TEP1: variants seen among roughly 807,000 people sequenced by gnomAD.
The protein encoded by TEP1 is telomerase protein component 1.
In TEP1, 241 loss-of-function variants were observed where a neutral mutation model predicts 306.3. The ratio of observed to expected loss-of-function variants is 0.79; its 90% confidence interval spans 0.71 to 0.88. The LOEUF (loss-of-function observed/expected upper bound fraction) is 0.88. TEP1 is among the 40% of genes least tolerant of loss of function. The pLI, the probability that TEP1 is intolerant of heterozygous loss-of-function variation, is 0.00. For synonymous variants in TEP1, 1,289 were observed against 1,305.5 expected, an observed-to-expected ratio of 0.99 and a Z score of 0.27; for missense variants, 3,051 against 3,276.1, an observed-to-expected ratio of 0.93 and a Z score of 1.68.
At chr14:20,382,597 G>C (rs1876676936) in intron 28 of TEP1, 26 bp downstream of exon 28, 1 of 1,612,136 alleles carries the variant, frequency 6.2e-7, no homozygotes, top group Non-Finnish European at 8.5e-7. Context: ...GTAGTGATTA[G>C]GACTTGGAAG....
At chr14:20,375,627 C>A in intron 43 of TEP1, 128 bp downstream of exon 43, 1 of 621,674 alleles carries the variant, frequency 1.6e-6, no homozygotes, top group Non-Finnish European at 2.9e-6. Context: ...ATGCCTGGCA[C>A]ATATCAAGTT....
At position 20,384,376 on chromosome 14, in the gene TEP1, A is replaced by C. The variant is rs762919387; in HGVS notation, c.3339+15T>G. 14 of 1,614,010 alleles carry C rather than the reference A, an allele frequency of 8.7e-6. No individual in the cohort carries two copies. Among genetic ancestry groups the C allele is most frequent in the African/African-American group, 1.3e-5 (1 of 75,036 alleles). On this transcript the variant is annotated intron_variant, in intron 23 of 54. Transcript: ENST00000262715. Reference sequence around the variant, plus strand: ...GTCCCTCTCCATGCCTCTGGTCACCAGTGCTTCTGCTGACCTGCAGGTAGA... The same window carrying C: ...GTCCCTCTCCATGCCTCTGGTCACCCGTGCTTCTGCTGACCTGCAGGTAGA...
chr14:20,380,122 T>G, intron 34 of TEP1, 69 bp from the exon 35 acceptor site: 1 of 1,585,574 alleles, frequency 6.3e-7, no homozygotes, highest in South Asian at 1.2e-5. Flanking sequence ...ATTTATGTGC[T>G]TCTGTGCCTG....
chr14:20,369,156 CG>C (rs1369526048), intron 53 of TEP1, among the ~76,000 whole-genome samples, 187 bp downstream of exon 53: 2 of 152,078 alleles, frequency 1.3e-5, no homozygotes, highest in Non-Finnish European at 2.9e-5. Context: ...TACAGGCACC[CG>C]CCACCACGCC....
chr14:20,382,396 AGGAGAAGCAGCTT>A (rs747823982), intron 28 of TEP1, 40 bp from the exon 29 acceptor site: 4 of 1,575,852 alleles, frequency 2.5e-6, no homozygotes, highest in African/African-American at 2.7e-5. Flanking sequence ...GTGCAGTGGG[AGGAGAAGCAGCTT>A]GGCTTGTGGG....
chr14:20,380,194 C>T, intron 34 of TEP1, 41 bp downstream of exon 34: 2 of 1,597,114 alleles, frequency 1.3e-6, no homozygotes, highest in Non-Finnish European at 1.7e-6. Context: ...CTGCAGCTTG[C>T]TCTCTGGTGG....
chr14:20,381,510 A>C lies in TEP1; in HGVS notation c.4558+43T>G. ...GTGGGTGGTCCTGGCCTCCAGGCCC[A>C]AGCCCCACACTCAGTGCCCAGGCTG... On this transcript the variant is annotated intron_variant, in intron 31 of 54. Transcript: ENST00000262715. This position sits in a 1 kb window ranked among gnomAD's most constrained non-coding sequence, Gnocchi z 4.0. The C allele has an allele frequency of 6.2e-7, 1 of 1,612,962 alleles. No homozygotes were observed. Among genetic ancestry groups the C allele is most frequent in the Non-Finnish European group, 8.5e-7 (1 of 1,180,004 alleles).
chr14:20,407,117 G>A (rs1879235828), intron 2 of TEP1, among the ~76,000 whole-genome samples: 1 of 152,206 alleles, frequency 6.6e-6, no homozygotes, highest in African/African-American at 2.4e-5. Flanking sequence ...TCTTTCTAGT[G>A]ATTCTGAACT....
rs1594376374 is a variant in TEP1, at chr14:20,406,127, T to C, written c.735+106A>G. The C allele has an allele frequency of 7.5e-6, 8 of 1,061,296 alleles. No individual in the cohort carries two copies. In the East Asian group the frequency reaches 1.9e-4, roughly 25 times the overall value. The allele number at this position is 1,061,296 out of a possible 1,614,324, so 65.7% of individuals were successfully genotyped here. ...AGTGAGAAATAAGAGCTAGGTTGTA[T>C]CCCTACCTTCCCCTTCCAACTGGGG... On this transcript the variant is annotated intron_variant, in intron 3 of 54. Transcript: ENST00000262715.
At chr14:20,377,939 G>A (rs1885291099) in intron 39 of TEP1, 85 bp downstream of exon 39, 31 of 1,544,838 alleles carry the variant, frequency 2.0e-5, no homozygotes, top group Middle Eastern at 2.2e-4. Context: ...CAGTCTCCTC[G>A]ACAAAGGACC....
At chr14:20,389,156 A>AG in intron 17 of TEP1, 82 bp downstream of exon 17, 1 of 1,357,624 alleles carries the variant, frequency 7.4e-7, no homozygotes, top group Non-Finnish European at 1.0e-6. Context: ...TTAAAAAAAA[A>AG]AAAAAGTGAC....
rs1218006240 is a variant in TEP1 at position 20,378,218 on chromosome 14, C to T, written c.5527G>A (p.Ala1843Thr). The change falls in exon 39 of 55, where the codon GCC (alanine) becomes ACC (threonine). Residue 1843 changes from alanine (A) to threonine (T), a missense_variant. Around this residue, in one of 3 missense-constraint regions of TEP1, gnomAD observed 1,540 missense variants for 1,705.9 expected, o/e 0.90. Coordinates refer to ENST00000262715, the MANE Select transcript of TEP1 (RefSeq NM_007110.5). ...KVTKDLGAPGASIRTLAFNVP... is the reference protein window; with the variant it reads ...KVTKDLGAPGTSIRTLAFNVP... ...TTGAAGGCCAAGGTACGGATAGAGGCTCCGGGTGCCCCCAGGTCCTACACA... is the reference window on the plus strand; with the variant it reads ...TTGAAGGCCAAGGTACGGATAGAGGTTCCGGGTGCCCCCAGGTCCTACACA... 3.7e-6 allele frequency: 6 copies of T among 1,613,296 alleles called. No homozygotes were observed. Among genetic ancestry groups the T allele is most frequent in the Non-Finnish European group, 5.1e-6 (6 of 1,179,990 alleles).
chr14:20,386,522 G>T lies in TEP1; in HGVS notation c.2786C>A (p.Ala929Glu), dbSNP rs140773101. ...RSVLPALQAR[A>E]APHRISLHGI... ...GTGAAGGCTGATACGGTGAGGGGCC[G>T]CTCGGGCCTGCAGTGCTGGCAGCAC... The change falls in exon 19 of 55, where the codon GCG (alanine) becomes GAG (glutamate). Residue 929 changes from alanine (A) to glutamate (E), a missense_variant. This residue lies in a region of TEP1 where 1,507 missense variants were observed against 1,550.5 expected (regional missense o/e 0.97). Transcript: ENST00000262715. The T allele has an allele frequency of 3.7e-6, 6 of 1,612,644 alleles. No homozygotes were observed. The South Asian group carries it at 4.4e-5, about 12-fold the overall frequency.
chr14:20,400,989 A>C lies in TEP1; in HGVS notation c.1544T>G (p.Leu515Arg), dbSNP rs757242292. The C allele has an allele frequency of 1.3e-5, 21 of 1,614,116 alleles. No homozygotes were observed. Among genetic ancestry groups the C allele is most frequent in the Non-Finnish European group, 1.6e-5 (19 of 1,180,010 alleles). Reference sequence around the variant, plus strand: ...GATGGTCAAGGTCACTCTACCAATGAGTTCCTCCCAGACCGACGCTTTGTT... The same window carrying C: ...GATGGTCAAGGTCACTCTACCAATGCGTTCCTCCCAGACCGACGCTTTGTT... ...RGNKASVWEE[L>R]IENGKLPFMA... Residue 515 changes from leucine to arginine, a missense_variant, in exon 9 of 55, where the codon CTC becomes CGC. Leu to Arg is a moderately radical substitution (Grantham distance 102). Around this residue, in one of 3 missense-constraint regions of TEP1, gnomAD observed 1,507 missense variants for 1,550.5 expected, o/e 0.97. Coordinates refer to ENST00000262715, the MANE Select transcript of TEP1 (RefSeq NM_007110.5).
intron 14 of TEP1, 23 bp from the exon 15 acceptor site, chr14:20,390,781 T>C (rs1877637712): frequency 1.2e-6 from 2 of 1,613,866 alleles, no homozygotes; most frequent in Non-Finnish European, 1.7e-6. Flanking sequence ...GACTTCATGT[T>C]ATGTGGTTGC....
At position 20,395,434 on chromosome 14, in the gene TEP1, G is replaced by A; in HGVS notation, c.1928+16C>T. On this transcript the variant is annotated intron_variant, in intron 12 of 54. Coordinates refer to ENST00000262715, the MANE Select transcript of TEP1 (RefSeq NM_007110.5). ...CCCGATTGCCCACCCTTGGCTCCCAGACAGTGCATACATACCTGGCCTTGT... is the reference window on the plus strand; with the variant it reads ...CCCGATTGCCCACCCTTGGCTCCCAAACAGTGCATACATACCTGGCCTTGT... The A allele has an allele frequency of 6.4e-7, 1 of 1,560,166 alleles. No homozygotes were observed. Among genetic ancestry groups the A allele is most frequent in the Non-Finnish European group, 8.8e-7 (1 of 1,141,384 alleles).
chr14:20,372,640 C>T, intron 49 of TEP1, 93 bp downstream of exon 49: 4 of 1,565,096 alleles, frequency 2.6e-6, no homozygotes, highest in Non-Finnish European at 3.5e-6. Flanking sequence ...TCCAATTGAC[C>T]TAGTTCAGAA....
chr14:20,373,021 G>A lies in TEP1; in HGVS notation c.6941C>T (p.Ala2314Val). ...GGTACACCGACTCACCTGTGCTGTGGCCACAGCCTTAGCTTCCTGCCACAA... is the reference window on the plus strand; with the variant it reads ...GGTACACCGACTCACCTGTGCTGTGACCACAGCCTTAGCTTCCTGCCACAA... ...LILWQEAKAVATAQAPGHIGA... is the reference protein window; with the variant it reads ...LILWQEAKAVVTAQAPGHIGA... The change falls in exon 48 of 55, where the codon GCC (alanine) becomes GTC (valine). Residue 2314 changes from alanine to valine, a missense_variant. Coordinates refer to ENST00000262715, the MANE Select transcript of TEP1 (RefSeq NM_007110.5). 6.2e-7 allele frequency: 1 copy of A among 1,614,080 alleles called. No individual in the cohort carries two copies. The highest frequency in any genetic ancestry group is 8.5e-7 in the Non-Finnish European group (1 of 1,180,020).
chr14:20,397,986 A>G (rs1018783529), intron 9 of TEP1, among the ~76,000 whole-genome samples: 2 of 151,862 alleles, frequency 1.3e-5, no homozygotes, highest in Admixed American at 1.3e-4. Context: ...CTCCCGATCT[A>G]CAGTGATCTG....
Sources: allele counts gnomAD v4.1 joint callset (sites outside exome capture counted in the v4.1 genomes callset), GRCh38; gene constraint gnomAD v4.1.1; regional missense constraint gnomAD v4.1.1; non-coding constraint Gnocchi (gnomAD v3.1); transcripts MANE v1.5; gene names NCBI Gene and HGNC (gene_info 2026-07-23, HGNC 2026-07-21).